Variants in SLC29A2 observed in about 807,000 individuals in gnomAD.
SLC29A2 encodes solute carrier family 29 member 2, also known as equilibrative nucleoside transporter 2.
Under a neutral mutation model 48.8 loss-of-function variants are expected in SLC29A2, and 37 were observed. The ratio of observed to expected loss-of-function variants is 0.76; its 90% CI spans 0.58 to 1.00. The LOEUF (loss-of-function observed/expected upper bound fraction) is 1.00. Ranked by LOEUF, SLC29A2 falls within the 50% of genes least tolerant of loss-of-function variation. The pLI is 0.00. For synonymous variants in SLC29A2, 233 were observed against 261.7 expected (o/e 0.89, Z 1.06); for missense variants, 533 against 578.6 (o/e 0.92, Z 0.81).
Position 66,363,554 on chromosome 11 carries a change from C to T in SLC29A2, c.1260-7G>A. 1 of 1,603,032 alleles carries T rather than the reference C, an allele frequency of 6.2e-7. No homozygotes were observed. Among genetic ancestry groups the T allele is most frequent in the East Asian group, 2.2e-5 (1 of 44,650 alleles). On this transcript the variant is annotated splice_region_variant and splice_polypyrimidine_tract_variant and intron_variant, in intron 11 of 11. Coordinates refer to ENST00000357440, the MANE Select transcript of SLC29A2 (RefSeq NM_001532.3). Reference sequence around the variant, plus strand: ...CTCGTGTGGCAGCACCTGCCTAGAACACCCGGGAACAGGAGCTCTTAGAAA... The same window carrying T: ...CTCGTGTGGCAGCACCTGCCTAGAATACCCGGGAACAGGAGCTCTTAGAAA...
In SLC29A2 at chr11:66,362,904, G is replaced by A; in HGVS notation, c.*532C>T. 5.0e-6 allele frequency: 1 copy of A among 201,254 alleles called. No individual in the cohort carries two copies. The highest frequency in any genetic ancestry group is 1.0e-5 in the Non-Finnish European group (1 of 96,966). 12.5% of individuals were successfully genotyped at this position (201,254 alleles called of 1,614,324 possible). On this transcript the variant is annotated 3_prime_UTR_variant, in exon 12 of 12. Coordinates refer to ENST00000357440, the MANE Select transcript of SLC29A2 (RefSeq NM_001532.3). ...GGCCCAGCTGGGCTCTGCGGAGTGG[G>A]TACAGTAAGTGTTGGCAATGAAAAC...
intron 2 of SLC29A2, 75 bp downstream of exon 2, chr11:66,371,169 T>C: frequency 7.2e-7 from 1 of 1,392,070 alleles, no homozygotes; most frequent in Middle Eastern, 1.9e-4. Flanking sequence ...AAGCGCCCGC[T>C]AAGCTTCATC....
Position 66,366,164 on chromosome 11 carries a change from G to A in SLC29A2, c.935C>T (p.Thr312Ile). 1.2e-6 allele frequency: 2 copies of A among 1,614,228 alleles called. 1 individual carries two copies. The highest frequency in any genetic ancestry group is 2.2e-5 in the South Asian group (2 of 91,092). The change falls in exon 9 of 12, where the codon ACA becomes ATA. Residue 312 changes from threonine to isoleucine, a missense_variant. By Grantham distance (89) the Thr-to-Ile change is moderately conservative (BLOSUM62 -1). Coordinates refer to ENST00000357440, the MANE Select transcript of SLC29A2 (RefSeq NM_001532.3). ...TVTLSVFPAI[T>I]AMVTSSTSPG... ...ACTGGTGGAGCTGGTCACCATGGCT[G>A]TGATGGCGGGGAAGACGGACAGGGT...
chr11:66,365,406 T>C (rs959783810), intron 10 of SLC29A2, among the ~76,000 whole-genome samples: 8 of 152,314 alleles, frequency 5.3e-5, no homozygotes, highest in African/African-American at 1.9e-4. Context: ...GGCTCCAGCT[T>C]GTGCTCTCCA....
chr11:66,369,080 GC>G lies in SLC29A2; in HGVS notation c.394del (p.Ala132ProfsTer80). On this transcript the variant is annotated frameshift_variant, in exon 4 of 12. Transcript: ENST00000357440. LOFTEE classifies it high-confidence loss of function. Reference sequence around the variant, plus strand: ...CTCACAGTTGATGAAGCAGACGGAGGCCATGGTGATGGAGAAGAAGGGTCCG... The same window carrying G: ...CTCACAGTTGATGAAGCAGACGGAGGCATGGTGATGGAGAAGAAGGGTCCG... ...SPGPFFSITM[A>X]SVCFINSFSA... The G allele has an allele frequency of 6.2e-7, 1 of 1,600,674 alleles. No individual in the cohort carries two copies. The highest frequency in any genetic ancestry group is 8.5e-7 in the Non-Finnish European group (1 of 1,173,862).
chr11:66,367,331 T>C, intron 7 of SLC29A2, 133 bp downstream of exon 7: 1 of 797,488 alleles, frequency 1.3e-6, no homozygotes, highest in Non-Finnish European at 2.2e-6. Context: ...CCAACTTCCC[T>C]TCATGATCTT....
chr11:66,367,497 C>T lies in SLC29A2; in HGVS notation c.700G>A (p.Glu234Lys), dbSNP rs1394986354. 1.6e-5 allele frequency: 26 copies of T among 1,614,150 alleles called. No homozygotes were observed. Among genetic ancestry groups the T allele is most frequent in the Non-Finnish European group, 2.2e-5 (26 of 1,180,026 alleles). The stretch of plus-strand genomic sequence containing the variant: ...AGGAGCTCAGCTTTGGTCTCCAGCT[C>T]CTGAGCTTGGGCCTGGGATGATTTA... The part of the protein sequence containing the change: ...ANKSSQAQAQ[E>K]LETKAELLQS... The change falls in exon 7 of 12, where the codon GAG becomes AAG. Residue 234 changes from glutamate (E) to lysine (K), a missense_variant. By Grantham distance (56) the Glu-to-Lys change is moderately conservative. Coordinates refer to ENST00000357440, the MANE Select transcript of SLC29A2 (RefSeq NM_001532.3).
In SLC29A2 at chr11:66,371,455, G is replaced by A. The variant is rs1046862491; in HGVS notation, c.29+108C>T. 7 of 1,501,340 alleles carry A rather than the reference G, an allele frequency of 4.7e-6. No individual in the cohort carries two copies. The African/African-American group carries it at 8.3e-5, about 18-fold the overall frequency. The allele number at this position is 1,501,340 out of a possible 1,614,324, so 93.0% of individuals were successfully genotyped here. On this transcript the variant is annotated intron_variant, in intron 1 of 11. Coordinates refer to ENST00000357440, the MANE Select transcript of SLC29A2 (RefSeq NM_001532.3). ...CCGGTTCCGGCGGCCGAGGGAGTCG[G>A]CTGATGGGAATTGTAGTTCGATCCG...
rs11227466 is a variant in SLC29A2, at chr11:66,363,009, C to G, written c.*427G>C. On this transcript the variant is annotated 3_prime_UTR_variant, in exon 12 of 12. Transcript: ENST00000357440. ...TCCTCCTCTCAGGTGCCCACAACTT[C>G]CCTGGCACCTTTTACCCTGGGTGGC... is the stretch of plus-strand genomic sequence containing the variant. 2 of 270,670 alleles carry G rather than the reference C, an allele frequency of 7.4e-6. No homozygotes were observed. Among genetic ancestry groups the G allele is most frequent in the Non-Finnish European group, 1.5e-5 (2 of 136,308 alleles). 16.8% of individuals were successfully genotyped at this position (270,670 alleles called of 1,614,324 possible).
chr11:66,363,326 G>A lies in SLC29A2; in HGVS notation c.*110C>T, dbSNP rs765658414. 4 of 835,946 alleles carry A rather than the reference G, an allele frequency of 4.8e-6. No homozygotes were observed. In the South Asian group the frequency reaches 5.7e-5, roughly 12 times the overall value. 51.8% of individuals were successfully genotyped at this position (835,946 alleles called of 1,614,324 possible). ...GCTGCTGGCAGCCTCAGGCCCAGGGGCCTCCACCCCGCAGAGGCCTGAGCC... is the reference window on the plus strand; with the variant it reads ...GCTGCTGGCAGCCTCAGGCCCAGGGACCTCCACCCCGCAGAGGCCTGAGCC... On this transcript the variant is annotated 3_prime_UTR_variant, in exon 12 of 12. Transcript: ENST00000357440.
chr11:66,368,202 C>A (rs957779049), intron 5 of SLC29A2, among the ~76,000 whole-genome samples: 6 of 152,158 alleles, frequency 3.9e-5, no homozygotes, highest in Non-Finnish European at 7.4e-5. Context: ...GTCCAACACC[C>A]CTAGCTGGTA....
In SLC29A2 at chr11:66,364,198, C is replaced by T. The variant is rs757056640; in HGVS notation, c.1259+27G>A. 5.2e-6 allele frequency: 8 copies of T among 1,533,368 alleles called. No homozygotes were observed. In the Admixed American group the frequency reaches 7.6e-5, roughly 15 times the overall value. 95.0% of individuals were successfully genotyped at this position (1,533,368 alleles called of 1,614,324 possible). The stretch of plus-strand genomic sequence containing the variant: ...CTGAACCCACCTCCCTACTCCCAGC[C>T]CCCCACCCCACCCCATTGCCCCGGA... On this transcript the variant is annotated intron_variant, in intron 11 of 11. Coordinates refer to ENST00000357440, the MANE Select transcript of SLC29A2 (RefSeq NM_001532.3).
intron 3 of SLC29A2, 76 bp from the exon 4 acceptor site, chr11:66,369,275 G>T: frequency 6.3e-7 from 1 of 1,593,184 alleles, no homozygotes; most frequent in Non-Finnish European, 8.5e-7. Context: ...GACACCTGGG[G>T]CTGGGCAGTA....
chr11:66,366,678 G>A, intron 7 of SLC29A2, 114 bp from the exon 8 acceptor site: 4 of 1,150,874 alleles, frequency 3.5e-6, no homozygotes, highest in African/African-American at 1.5e-5. Context: ...AGCTCAGCAT[G>A]GTGGCTCACG....
intron 2 of SLC29A2, among the ~76,000 whole-genome samples, chr11:66,370,638 A>G (rs1268472398): frequency 3.9e-5 from 6 of 152,138 alleles, no homozygotes; most frequent in Admixed American, 2.0e-4. Context: ...CGGGAGGATC[A>G]CGAGGTCAGG....
At position 66,371,636 on chromosome 11, in the gene SLC29A2, C is replaced by G; in HGVS notation, c.-45G>C. 1 of 1,533,958 alleles carries G rather than the reference C, an allele frequency of 6.5e-7. No individual in the cohort carries two copies. Among genetic ancestry groups the G allele is most frequent in the Non-Finnish European group, 8.7e-7 (1 of 1,144,174 alleles). Reference sequence around the variant, plus strand: ...CCTGGGGTGAAAGGGGCAGAGAAGCCGCACCTGCACCTGCGCTGGGGCGGA... The same window carrying G: ...CCTGGGGTGAAAGGGGCAGAGAAGCGGCACCTGCACCTGCGCTGGGGCGGA... On this transcript the variant is annotated 5_prime_UTR_variant, in exon 1 of 12. Transcript: ENST00000357440.
intron 2 of SLC29A2, among the ~76,000 whole-genome samples, chr11:66,370,757 G>A (rs1855988987): frequency 2.0e-5 from 3 of 152,048 alleles, no homozygotes; most frequent in Admixed American, 2.0e-4. Context: ...TACTCGGGAG[G>A]GTGAGGCAGG....
intron 6 of SLC29A2, 30 bp downstream of exon 6, chr11:66,367,742 G>T: frequency 6.3e-7 from 1 of 1,595,074 alleles, no homozygotes; most frequent in Non-Finnish European, 8.6e-7. Flanking sequence ...ATGCTTTGAG[G>T]TGGGGCCTCG....
At chr11:66,369,222 C>T (rs1488308865) in intron 3 of SLC29A2, 23 bp from the exon 4 acceptor site, 1 of 1,577,970 alleles carries the variant, frequency 6.3e-7, no homozygotes, top group South Asian at 1.1e-5. Flanking sequence ...AGGCAGAGTG[C>T]ATCAGTGGGG....
Sources: allele counts gnomAD v4.1 joint callset (sites outside exome capture counted in the v4.1 genomes callset), GRCh38; gene constraint gnomAD v4.1.1; transcripts MANE v1.5; gene names NCBI Gene and HGNC (gene_info 2026-07-23, HGNC 2026-07-21).